Variants in RPS6KA2 observed in about 807,000 individuals in gnomAD.
RPS6KA2 encodes the protein ribosomal protein S6 kinase A2.
In RPS6KA2, 42 loss-of-function variants were observed where a neutral mutation model predicts 91.8. The ratio of observed to expected loss-of-function variants is 0.46; its 90% confidence interval spans 0.36 to 0.59. The LOEUF is 0.59. Ranked by LOEUF, RPS6KA2 falls within the 20% of genes least tolerant of loss-of-function variation. The pLI, the probability that RPS6KA2 is intolerant of heterozygous loss-of-function variation, is 0.00. For missense variants in RPS6KA2, 798 were observed against 978.5 expected, an observed-to-expected ratio of 0.82 and a Z score of 2.46; for synonymous variants, 414 against 393.6, an observed-to-expected ratio of 1.05 and a Z score of -0.61.
chr6:166,703,351 G>T (rs945672107), intron 2 of RPS6KA2, among the ~76,000 whole-genome samples: 2 of 152,252 alleles, frequency 1.3e-5, no homozygotes, highest in South Asian at 2.1e-4. Context: ...CATGGGAGGG[G>T]TGCTCGCTTT....
intron 16 of RPS6KA2, among the ~76,000 whole-genome samples, chr6:166,427,455 A>G (rs1413628400): frequency 6.6e-6 from 1 of 151,824 alleles, no homozygotes; most frequent in East Asian, 1.9e-4. Flanking sequence ...TGGCCAGGGC[A>G]ATTAGGCAGG....
At chr6:166,805,931 A>G (rs923292913) in intron 2 of RPS6KA2, among the ~76,000 whole-genome samples, 1 of 152,192 alleles carries the variant, frequency 6.6e-6, no homozygotes, top group Non-Finnish European at 1.5e-5. Flanking sequence ...ATCCAAAAGA[A>G]GCCAAAAATA....
chr6:166,437,434 C>T lies in RPS6KA2; in HGVS notation c.1333-4944G>A, dbSNP rs1779361093. Among the ~76,000 whole-genome samples the T allele has an allele frequency of 6.6e-6, 1 of 152,214 alleles. No homozygotes were observed. The highest frequency in any genetic ancestry group is 6.5e-5 in the Admixed American group (1 of 15,274). ...CCTCCAGGCTGACGCTCAAATAATG[C>T]TGACGCGCCACGGAGTAGGAGTGGT... is the stretch of plus-strand genomic sequence containing the variant. On this transcript the variant is annotated intron_variant, in intron 14 of 20. Coordinates refer to ENST00000265678, the MANE Select transcript of RPS6KA2 (RefSeq NM_021135.6). The surrounding 1 kb of genome is among the most constrained non-coding windows in gnomAD (Gnocchi z 4.3).
At chr6:166,585,073 TGAC>T (rs1785126045) in intron 1 of RPS6KA2, among the ~76,000 whole-genome samples, 1 of 145,236 alleles carries the variant, frequency 6.9e-6, no homozygotes, top group African/African-American at 2.9e-5. Flanking sequence ...ACACGTGTGG[TGAC>T]GATGTTGCTA....
In RPS6KA2 at chr6:166,782,446, C is replaced by T. The variant is rs1562436063; in HGVS notation, c.123+75754G>A. Among the ~76,000 whole-genome samples, 3 of 152,088 alleles carry T rather than the reference C, an allele frequency of 2.0e-5. No homozygotes were observed. The South Asian group carries it at 6.2e-4, about 31-fold the overall frequency. ...CCGGCAGGTTTTGAAGATGGAGACT[C>T]GGGTATAGGAGGAGACACACCCATG... On this transcript the variant is annotated intron_variant, in intron 2 of 21. Coordinates refer to the RPS6KA2 transcript ENST00000503859.
chr6:166,600,101 G>A (rs189398123), intron 1 of RPS6KA2, among the ~76,000 whole-genome samples: 224 of 152,220 alleles, frequency 1.5e-3, no homozygotes, highest in African/African-American at 5.1e-3. Flanking sequence ...TCGAACTCTT[G>A]GGCCCAAACA....
intron 1 of RPS6KA2, among the ~76,000 whole-genome samples, chr6:166,543,539 T>C (rs986115758): frequency 2.0e-5 from 3 of 152,156 alleles, no homozygotes; most frequent in African/African-American, 7.2e-5. Context: ...TCCCTCTCAC[T>C]TGAAACACTC....
At chr6:166,447,023 G>A (rs1056498357) in intron 14 of RPS6KA2, among the ~76,000 whole-genome samples, 2 of 152,174 alleles carry the variant, frequency 1.3e-5, no homozygotes, top group Non-Finnish European at 2.9e-5. Flanking sequence ...ACACAGGAAC[G>A]GCACCTGGGT....
At chr6:166,432,862 G>A (rs1463463320) in intron 14 of RPS6KA2, among the ~76,000 whole-genome samples, 1 of 152,088 alleles carries the variant, frequency 6.6e-6, no homozygotes. Flanking sequence ...AGACATGGTG[G>A]TGTGTGCCTG....
chr6:166,561,638 C>T lies in RPS6KA2; in HGVS notation c.100-22854G>A, dbSNP rs947508981. On this transcript the variant is annotated intron_variant, in intron 1 of 20. Coordinates refer to ENST00000265678, the MANE Select transcript of RPS6KA2 (RefSeq NM_021135.6). The stretch of plus-strand genomic sequence containing the variant: ...GGCTGAAGGGGTATTAGGAACTAGG[C>T]TGCTTGACTCTTGCTTTCAAGTTGT... Among the ~76,000 whole-genome samples the T allele has an allele frequency of 3.9e-5, 6 of 151,966 alleles. No homozygotes were observed. In the East Asian group the frequency reaches 1.2e-3, roughly 30 times the overall value.
intron 6 of RPS6KA2, among the ~76,000 whole-genome samples, chr6:166,503,918 G>A (rs575913765): frequency 2.2e-4 from 33 of 152,362 alleles, no homozygotes; most frequent in Non-Finnish European, 4.0e-4. Context: ...CTCTGGGTCT[G>A]AGAATTCTGG....
intron 1 of RPS6KA2, among the ~76,000 whole-genome samples, chr6:166,581,084 A>T (rs566122668): frequency 3.9e-5 from 6 of 152,210 alleles, no homozygotes; most frequent in African/African-American, 1.4e-4. Context: ...AATTTTTAGT[A>T]GATAGGGGTT....
intron 2 of RPS6KA2, among the ~76,000 whole-genome samples, chr6:166,632,599 G>A (rs1189118154): frequency 1.8e-4 from 25 of 141,040 alleles, no homozygotes; most frequent in African/African-American, 2.4e-4. Flanking sequence ...CAACAAGAGC[G>A]AAACTCCATC....
chr6:166,590,350 C>T (rs574891377), intron 1 of RPS6KA2, among the ~76,000 whole-genome samples: 3 of 152,266 alleles, frequency 2.0e-5, no homozygotes, highest in South Asian at 2.1e-4. Context: ...ACAGCATCCA[C>T]GTAAGATTAA....
intron 11 of RPS6KA2, chr6:166,462,902 G>GC (rs1313784710): frequency 6.6e-6 from 1 of 152,362 alleles, no homozygotes; most frequent in Non-Finnish European, 1.5e-5. Flanking sequence ...CAGGCAACTG[G>GC]CCACCCCGTA....
intron 2 of RPS6KA2, among the ~76,000 whole-genome samples, chr6:166,819,511 G>A (rs750910317): frequency 3.3e-5 from 5 of 152,290 alleles, no homozygotes; most frequent in Middle Eastern, 3.4e-3. Context: ...TTTGCATCCC[G>A]CAAGTACCGT....
chr6:166,645,055 C>G (rs1787564886), intron 2 of RPS6KA2, among the ~76,000 whole-genome samples: 1 of 152,178 alleles, frequency 6.6e-6, no homozygotes, highest in Non-Finnish European at 1.5e-5. Flanking sequence ...TTTTGGAGTT[C>G]TGGTCTCCAA....
chr6:166,859,243 G>A (rs1055951110), intron 1 of RPS6KA2, among the ~76,000 whole-genome samples: 1 of 152,160 alleles, frequency 6.6e-6, no homozygotes, highest in Non-Finnish European at 1.5e-5. Flanking sequence ...AATGTATTAT[G>A]ACATCCCAGA....
intron 10 of RPS6KA2, among the ~76,000 whole-genome samples, chr6:166,488,415 GA>G (rs1055069763): frequency 6.6e-6 from 1 of 152,080 alleles, no homozygotes; most frequent in Non-Finnish European, 1.5e-5. Flanking sequence ...TACACGAAAA[GA>G]AAATCAATCA....
Sources: allele counts gnomAD v4.1 joint callset (sites outside exome capture counted in the v4.1 genomes callset), GRCh38; gene constraint gnomAD v4.1.1; non-coding constraint Gnocchi (gnomAD v3.1); transcripts MANE v1.5; gene names NCBI Gene and HGNC (gene_info 2026-07-23, HGNC 2026-07-21).